Variants in RASSF3 observed in about 807,000 individuals in gnomAD.
RASSF3 encodes the protein ras association domain-containing protein 3.
In RASSF3, 19 loss-of-function variants were observed where a neutral mutation model predicts 19.9. The observed-to-expected ratio is 0.96, with a 90% CI of 0.67 to 1.40. The LOEUF (loss-of-function observed/expected upper bound fraction) is 1.40, where lower values mean the gene tolerates loss of function less well. Among genes scored for constraint, RASSF3 ranks in the 40% most tolerant of loss-of-function variants. The probability of loss-of-function intolerance (pLI) is 0.00; values close to 1 mark genes in which losing one functional copy is unlikely to be tolerated. For synonymous variants in RASSF3, 110 were observed against 104.2 expected, an observed-to-expected ratio of 1.06 and a Z score of -0.34; for missense variants, 306 against 289.8, an observed-to-expected ratio of 1.06 and a Z score of -0.41.
intron 1 of RASSF3, among the ~76,000 whole-genome samples, chr12:64,674,755 G>A (rs1872821128): frequency 6.6e-6 from 1 of 152,134 alleles, no homozygotes; most frequent in Admixed American, 6.6e-5. Flanking sequence ...GGCTTCCTGG[G>A]TGGGGTGGGC....
intron 2 of RASSF3, among the ~76,000 whole-genome samples, chr12:64,549,140 GA>G (rs1210780215): frequency 6.6e-6 from 1 of 152,150 alleles, no homozygotes. Flanking sequence ...TGGAAATAAG[GA>G]AAACAGTCCT....
intron 1 of RASSF3, among the ~76,000 whole-genome samples, chr12:64,620,158 CG>C: frequency 6.6e-6 from 1 of 151,872 alleles, no homozygotes; most frequent in Non-Finnish European, 1.5e-5. Flanking sequence ...TATATAGGTT[CG>C]TCTGACTAGT....
At position 64,570,270 on chromosome 12, in the gene RASSF3, G is replaced by T. The variant is rs1002719336; in HGVS notation, c.294+28565G>T. ...TTTAATTAAAAAATGGGCCGATGCT[G>T]ATTATACAGATTTCTTCTCTTGGAA... On this transcript the variant is annotated intron_variant, in intron 2 of 5. Coordinates refer to the RASSF3 transcript ENST00000637125. 2.0e-5 allele frequency among the ~76,000 whole-genome samples: 3 copies of T among 152,182 alleles called. No homozygotes were observed. In the East Asian group the frequency reaches 5.8e-4, roughly 29 times the overall value.
rs1870305358 is a variant in RASSF3 at position 64,610,510 on chromosome 12, G to C, written c.-123G>C. The C allele has an allele frequency of 6.1e-6, 2 of 330,492 alleles. No individual in the cohort carries two copies. The highest frequency in any genetic ancestry group is 1.1e-5 in the Non-Finnish European group (2 of 188,626). 20.5% of individuals were successfully genotyped at this position (330,492 alleles called of 1,614,324 possible). ...GGGAGAGCCTGATTGAGCGGCGGCCGCAGCTGCATAAGGACTGCCCGGGGC... is the reference window on the plus strand; with the variant it reads ...GGGAGAGCCTGATTGAGCGGCGGCCCCAGCTGCATAAGGACTGCCCGGGGC... On this transcript the variant is annotated 5_prime_UTR_variant, in exon 1 of 5. Transcript: ENST00000542104.
chr12:64,688,198 C>A lies in RASSF3; in HGVS notation c.220-18C>A. On this transcript the variant is annotated intron_variant, in intron 2 of 4. Transcript: ENST00000542104. The stretch of plus-strand genomic sequence containing the variant: ...CACCATCCACCCAGCTAAGTGTGTG[C>A]TTCTCTCCCTGCTTCAGAATTCAAA... The A allele has an allele frequency of 1.9e-6, 3 of 1,581,456 alleles. No homozygotes were observed. Among genetic ancestry groups the A allele is most frequent in the Non-Finnish European group, 2.6e-6 (3 of 1,150,238 alleles).
chr12:64,563,107 C>A (rs1869374242), intron 2 of RASSF3, among the ~76,000 whole-genome samples: 1 of 152,074 alleles, frequency 6.6e-6, no homozygotes, highest in Admixed American at 6.6e-5. Flanking sequence ...TCTCTGCTTC[C>A]TTTACAATAT....
chr12:64,522,206 T>C (rs1412902825), intron 1 of RASSF3, among the ~76,000 whole-genome samples: 1 of 152,168 alleles, frequency 6.6e-6, no homozygotes, highest in Non-Finnish European at 1.5e-5. Context: ...AAAAAGTCTA[T>C]GTTACAGGGT....
chr12:64,550,013 G>T (rs776360014), intron 2 of RASSF3, among the ~76,000 whole-genome samples: 1 of 152,012 alleles, frequency 6.6e-6, no homozygotes. Context: ...GATTGATGAG[G>T]GAGGTGATTA....
chr12:64,603,470 G>A (rs531601855), intron 2 of RASSF3, among the ~76,000 whole-genome samples: 6 of 152,146 alleles, frequency 3.9e-5, no homozygotes, highest in Non-Finnish European at 7.3e-5. Context: ...CAGCTCATTA[G>A]GTCCTAGATA....
intron 1 of RASSF3, among the ~76,000 whole-genome samples, chr12:64,660,869 C>T (rs1374577439): frequency 6.6e-6 from 1 of 152,074 alleles, no homozygotes; most frequent in South Asian, 2.1e-4. Flanking sequence ...GAGGATTTGG[C>T]GGGGAGTCAC....
chr12:64,566,416 G>T (rs922701799), intron 2 of RASSF3, among the ~76,000 whole-genome samples: 17 of 152,180 alleles, frequency 1.1e-4, no homozygotes, highest in African/African-American at 3.9e-4. Flanking sequence ...TTGGAAGCAA[G>T]GTCACTGGCC....
intron 1 of RASSF3, among the ~76,000 whole-genome samples, chr12:64,527,467 C>T (rs564983423): frequency 2.0e-5 from 3 of 152,144 alleles, no homozygotes; most frequent in Non-Finnish European, 4.4e-5. Flanking sequence ...CATTTCCTGC[C>T]CAATCCAGTG....
intron 2 of RASSF3, among the ~76,000 whole-genome samples, chr12:64,598,511 A>G (rs1870032826): frequency 1.3e-5 from 2 of 152,208 alleles, no homozygotes; most frequent in Non-Finnish European, 2.9e-5. Context: ...AGCAGGGAAC[A>G]AGGGAGAACA....
At chr12:64,606,685 C>T (rs181222313), upstream of RASSF3, among the ~76,000 whole-genome samples, 50 of 152,162 alleles carry the variant, frequency 3.3e-4, no homozygotes, top group Middle Eastern at 6.9e-3. Flanking sequence ...TGAGGCGGTG[C>T]GTGCCTGTAA....
intron 2 of RASSF3, among the ~76,000 whole-genome samples, chr12:64,559,136 G>C (rs1869302926): frequency 1.3e-5 from 2 of 152,168 alleles, no homozygotes; most frequent in Non-Finnish European, 2.9e-5. Context: ...GACCTGCGGA[G>C]GAGGGCCACC....
intron 1 of RASSF3, among the ~76,000 whole-genome samples, chr12:64,511,182 A>G (rs1049981710): frequency 2.6e-5 from 4 of 152,334 alleles, no homozygotes. Flanking sequence ...CTTCATCTGC[A>G]GAAACAGGAC....
intron 2 of RASSF3, among the ~76,000 whole-genome samples, chr12:64,562,744 C>G (rs1869369312): frequency 6.6e-6 from 1 of 152,050 alleles, no homozygotes; most frequent in Admixed American, 6.6e-5. Flanking sequence ...CATCAGCCTC[C>G]CAAGTAGCTA....
chr12:64,594,778 G>A (rs1869973932), intron 2 of RASSF3, among the ~76,000 whole-genome samples: 1 of 152,024 alleles, frequency 6.6e-6, no homozygotes, highest in African/African-American at 2.4e-5. Flanking sequence ...TTTTTGAGCT[G>A]GGGGTGGTAC....
In RASSF3 at chr12:64,648,732, C is replaced by T. The variant is rs143378025; in HGVS notation, c.112-36055C>T. Among the ~76,000 whole-genome samples, 447 of 151,414 alleles carry T rather than the reference C, an allele frequency of 3.0e-3. 1 individual carries two copies. Among genetic ancestry groups the T allele is most frequent in the African/African-American group, 0.01 (426 of 41,232 alleles). ...TCTTGACCTTGTGATCCGCCTGCCT[C>T]GACCTCCCAAAGTGCTGGGATTACA... On this transcript the variant is annotated intron_variant, in intron 1 of 4. Coordinates refer to ENST00000542104, the MANE Select transcript of RASSF3 (RefSeq NM_178169.4).
Sources: allele counts gnomAD v4.1 joint callset (sites outside exome capture counted in the v4.1 genomes callset), GRCh38; gene constraint gnomAD v4.1.1; transcripts MANE v1.5; gene names NCBI Gene and HGNC (gene_info 2026-07-23, HGNC 2026-07-21).